Variants in RPGRIP1 observed in about 807,000 individuals in gnomAD.
RPGRIP1 encodes the protein RPGR interacting protein 1.
RPGRIP1 carries 128 observed loss-of-function variants against 157.9 expected under a neutral mutation model. That is an observed-to-expected ratio of 0.81 (90% CI 0.70 to 0.94). The LOEUF (loss-of-function observed/expected upper bound fraction) is 0.94, where lower values mean the gene tolerates loss of function less well. Among genes scored for constraint, RPGRIP1 ranks in the 40% least tolerant of loss-of-function variants. The pLI, the probability that RPGRIP1 is intolerant of heterozygous loss-of-function variation, is 0.00. For synonymous variants in RPGRIP1, 554 were observed against 571.6 expected, an observed-to-expected ratio of 0.97 and a Z score of 0.44; for missense variants, 1,486 against 1,545.8, an observed-to-expected ratio of 0.96 and a Z score of 0.65.
chr14:21,323,619 A>G (rs1882739659), intron 14 of RPGRIP1, among the ~76,000 whole-genome samples: 1 of 152,080 alleles, frequency 6.6e-6, no homozygotes, highest in Non-Finnish European at 1.5e-5. Flanking sequence ...ATTCCTTTTG[A>G]GAATTGACCG....
intron 2 of RPGRIP1, among the ~76,000 whole-genome samples, chr14:21,294,184 T>A (rs113444702): frequency 7.9e-5 from 12 of 151,776 alleles, no homozygotes; most frequent in African/African-American, 2.9e-4. Flanking sequence ...CATGCTGTGA[T>A]AATATAGAAA....
chr14:21,345,246 A>G, intron 23 of RPGRIP1, 49 bp downstream of exon 23: 1 of 1,414,876 alleles, frequency 7.1e-7, no homozygotes, highest in Non-Finnish European at 9.8e-7. Context: ...TGAGACAGAA[A>G]TTCAAAAGTT....
chr14:21,322,704 T>G (rs1276553663), intron 14 of RPGRIP1, among the ~76,000 whole-genome samples: 1 of 152,160 alleles, frequency 6.6e-6, no homozygotes, highest in African/African-American at 2.4e-5. Context: ...CTCAAAGCAG[T>G]TTTAGTCGGA....
At chr14:21,301,852 T>C (rs1283782968) in intron 4 of RPGRIP1, among the ~76,000 whole-genome samples, 1 of 151,862 alleles carries the variant, frequency 6.6e-6, no homozygotes, top group East Asian at 1.9e-4. Flanking sequence ...AACTCCAGCC[T>C]GGGCAACAGA....
At chr14:21,288,269 C>A (rs957790257) in intron 2 of RPGRIP1, among the ~76,000 whole-genome samples, 1 of 150,712 alleles carries the variant, frequency 6.6e-6, no homozygotes, top group Non-Finnish European at 1.5e-5. Context: ...CAGCCTCCGA[C>A]TCCTGGGTTC....
rs370643056 is a variant in RPGRIP1 at position 21,294,815 on chromosome 14, T to C, written c.218+6T>C. On this transcript the variant is annotated splice_donor_region_variant and intron_variant, in intron 3 of 24. Coordinates refer to ENST00000400017, the MANE Select transcript of RPGRIP1 (RefSeq NM_020366.4). ...CAACAGGATGAGATCAAAAGGTACTTAGAGTTCTCCTTAAATTTTTTTTTT... is the reference window on the plus strand; with the variant it reads ...CAACAGGATGAGATCAAAAGGTACTCAGAGTTCTCCTTAAATTTTTTTTTT... 333 of 1,488,180 alleles carry C rather than the reference T, an allele frequency of 2.2e-4. No individual in the cohort carries two copies. Among genetic ancestry groups the C allele is most frequent in the Non-Finnish European group, 2.8e-4 (315 of 1,111,692 alleles). 92.2% of individuals were successfully genotyped at this position (1,488,180 alleles called of 1,614,324 possible). A position where few individuals can be genotyped will look rare whatever the true frequency, so the allele number is the denominator to read the frequency against.
chr14:21,343,124 A>AT lies in RPGRIP1; in HGVS notation c.3429dup (p.Val1144CysfsTer23). 1 of 1,613,650 alleles carries AT rather than the reference A, an allele frequency of 6.2e-7. No homozygotes were observed. ...TCTGATGAGAACATAAAACAGGTGT[A>AT]TGTGGAGTACAAATTCTACGACCTA... On this transcript the variant is annotated frameshift_variant, in exon 22 of 25. Transcript: ENST00000400017. LOFTEE classifies it high-confidence loss of function.
chr14:21,315,565 G>A (rs1284692010), intron 10 of RPGRIP1, among the ~76,000 whole-genome samples: 1 of 151,812 alleles, frequency 6.6e-6, no homozygotes, highest in Non-Finnish European at 1.5e-5. Context: ...GGCAGCAGGG[G>A]GTAGATTGAG....
chr14:21,342,094 G>A (rs1053284864), intron 21 of RPGRIP1, among the ~76,000 whole-genome samples: 1 of 151,898 alleles, frequency 6.6e-6, no homozygotes, highest in Non-Finnish European at 1.5e-5. Flanking sequence ...GGGCAGGGTG[G>A]TCTGGTGGCC....
At chr14:21,308,347 A>C (rs1881403215) in intron 7 of RPGRIP1, among the ~76,000 whole-genome samples, 1 of 152,230 alleles carries the variant, frequency 6.6e-6, no homozygotes, top group South Asian at 2.1e-4. Flanking sequence ...ATCAAGGGTC[A>C]AAGTAAGGTC....
intron 10 of RPGRIP1, among the ~76,000 whole-genome samples, chr14:21,312,954 T>TCC (rs145474269): frequency 0.039 from 5,882 of 152,078 alleles, 243 homozygotes; most frequent in East Asian, 0.25. Context: ...CACCTCAGCC[T>TCC]CCCCAGTAGC....
chr14:21,294,795 G>A lies in RPGRIP1; in HGVS notation c.204G>A (p.Gln68=), dbSNP rs749473223. 9 of 1,562,472 alleles carry A rather than the reference G, an allele frequency of 5.8e-6. No individual in the cohort carries two copies. Among genetic ancestry groups the A allele is most frequent in the Non-Finnish European group, 7.9e-6 (9 of 1,144,534 alleles). Residue 68 remains glutamine (Q), a synonymous_variant, in exon 3 of 25, where the codon CAG becomes CAA. Coordinates refer to ENST00000400017, the MANE Select transcript of RPGRIP1 (RefSeq NM_020366.4). ...MLVKELSWKQ[Q]DEIKRLRTTL... ...TGAAGGAGCTTTCTTGGAAGCAACA[G>A]GATGAGATCAAAAGGTACTTAGAGT...
intron 11 of RPGRIP1, among the ~76,000 whole-genome samples, chr14:21,319,479 T>C (rs1231010811): frequency 6.6e-6 from 1 of 152,108 alleles, no homozygotes. Context: ...CAAGAATCGT[T>C]GAACCCTGGA....
chr14:21,346,839 T>C (rs1279175253), intron 23 of RPGRIP1, among the ~76,000 whole-genome samples: 1 of 152,200 alleles, frequency 6.6e-6, no homozygotes, highest in Non-Finnish European at 1.5e-5. Context: ...CCCGACCTGG[T>C]GTTTTAATTA....
At chr14:21,282,385 C>A (rs984883767) in intron 1 of RPGRIP1, among the ~76,000 whole-genome samples, 7 of 151,044 alleles carry the variant, frequency 4.6e-5, no homozygotes, top group Admixed American at 4.6e-4. Flanking sequence ...TACAGGCACG[C>A]ACCACCATGC....
intron 3 of RPGRIP1, among the ~76,000 whole-genome samples, chr14:21,295,478 A>ATTTTTTTTTTTTTTTTTTTTTTTTTTGGG (rs11342361): frequency 8.6e-6 from 1 of 116,516 alleles, no homozygotes; most frequent in Non-Finnish European, 1.8e-5. Flanking sequence ...TATTTTTGAG[A>ATTTTTTTTTTTTTTTTTTTTTTTTTTGGG]TTTTTTTTTT....
In RPGRIP1 at chr14:21,337,438, C is replaced by CTTTTT. The variant is rs869108147; in HGVS notation, c.3339+2746_3339+2750dup. Among the ~76,000 whole-genome samples the CTTTTT allele has an allele frequency of 7.3e-4, 94 of 128,720 alleles. 2 individuals carry two copies. Among genetic ancestry groups the CTTTTT allele is most frequent in the African/African-American group, 1.9e-3 (64 of 32,906 alleles). The allele number at this position is 128,720 out of a possible 152,430, so 84.4% of individuals were successfully genotyped here. On this transcript the variant is annotated intron_variant, in intron 21 of 24. Transcript: ENST00000400017. ...ACCTACTGGAGTTCTCAATGTTAAGCTTTTTTTTTTTTTTTTTGAGATAGA... is the reference window on the plus strand; with the variant it reads ...ACCTACTGGAGTTCTCAATGTTAAGCTTTTTTTTTTTTTTTTTTTTTTGAGATAGA...
In RPGRIP1 at chr14:21,303,427, C is replaced by A; in HGVS notation, c.684C>A (p.Ala228=). 6.2e-7 allele frequency: 1 copy of A among 1,613,700 alleles called. No individual in the cohort carries two copies. The highest frequency in any genetic ancestry group is 8.5e-7 in the Non-Finnish European group (1 of 1,179,750). ...TGCCTAACAGTGCCCACATCATGGCCAGCAATACCATGCAAGTGGAAGAGC... is the reference window on the plus strand; with the variant it reads ...TGCCTAACAGTGCCCACATCATGGCAAGCAATACCATGCAAGTGGAAGAGC... ...LCMPNSAHIM[A]SNTMQVEEPP... is the part of the protein sequence containing the mutation. Residue 228 remains alanine (A), a synonymous_variant, in exon 6 of 25, where the codon GCC becomes GCA. Coordinates refer to ENST00000400017, the MANE Select transcript of RPGRIP1 (RefSeq NM_020366.4).
intron 20 of RPGRIP1, among the ~76,000 whole-genome samples, chr14:21,331,689 G>A (rs1180335145): frequency 1.3e-5 from 2 of 152,070 alleles, no homozygotes; most frequent in Non-Finnish European, 2.9e-5. Flanking sequence ...ATCAGGAAAG[G>A]ACACCCTTTG....
Sources: allele counts gnomAD v4.1 joint callset (sites outside exome capture counted in the v4.1 genomes callset), GRCh38; gene constraint gnomAD v4.1.1; transcripts MANE v1.5; gene names NCBI Gene and HGNC (gene_info 2026-07-23, HGNC 2026-07-21).